The following THRB variants were observed in gnomAD, a reference collection of about 807,000 sequenced individuals.
THRB encodes the protein nuclear receptor subfamily 1 group A member 2.
Under a neutral mutation model 47.8 loss-of-function variants are expected in THRB, and 12 were observed. The observed-to-expected ratio is 0.25, with a 90% CI of 0.16 to 0.41. The LOEUF is 0.41. THRB is among the 10% of genes least tolerant of loss of function. The pLI is 1.00. For missense variants in THRB, 348 were observed against 589.2 expected, an observed-to-expected ratio of 0.59 and a Z score of 4.24; for synonymous variants, 218 against 212.2, an observed-to-expected ratio of 1.03 and a Z score of -0.24.
chr3:24,202,522 G>A (rs1464788680), intron 4 of THRB, among the ~76,000 whole-genome samples: 1 of 151,942 alleles, frequency 6.6e-6, no homozygotes, highest in Non-Finnish European at 1.5e-5. Context: ...GCCTCCAAAC[G>A]GCCAAACTTA....
intron 2 of THRB, among the ~76,000 whole-genome samples, chr3:24,316,471 C>T (rs188607297): frequency 2.2e-4 from 33 of 151,538 alleles, no homozygotes; most frequent in East Asian, 5.8e-4. Context: ...TCTTCCTTCT[C>T]GCCCTCTTGC....
chr3:24,427,518 C>G (rs1374568064), intron 1 of THRB, among the ~76,000 whole-genome samples: 1 of 151,866 alleles, frequency 6.6e-6, no homozygotes, highest in Admixed American at 6.6e-5. Context: ...GGATGCTTAG[C>G]AAATATGAAT....
intron 1 of THRB, among the ~76,000 whole-genome samples, chr3:24,478,951 G>A (rs992357051): frequency 2.6e-5 from 4 of 152,158 alleles, no homozygotes; most frequent in African/African-American, 9.7e-5. Context: ...GCAGGGGATA[G>A]GGGGAGCAGT....
At chr3:24,185,218 G>A (rs1378764787) in intron 5 of THRB, among the ~76,000 whole-genome samples, 1 of 152,060 alleles carries the variant, frequency 6.6e-6, no homozygotes, top group Non-Finnish European at 1.5e-5. Context: ...TATAGCCAAT[G>A]AAAGTCAGGA....
intron 2 of THRB, among the ~76,000 whole-genome samples, chr3:24,299,793 T>TTTTTTTTTTTTTTC (rs2056798182): frequency 7.9e-6 from 1 of 127,162 alleles, no homozygotes; most frequent in Admixed American, 8.9e-5. Flanking sequence ...TTATTTATTT[T>TTTTTTTTTTTTTTC]TTTTTTTTTA....
At chr3:24,476,625 T>C (rs1455429445) in intron 1 of THRB, among the ~76,000 whole-genome samples, 1 of 152,188 alleles carries the variant, frequency 6.6e-6, no homozygotes, top group Non-Finnish European at 1.5e-5. Context: ...TCCCATAACC[T>C]GGCGAATTTC....
At chr3:24,356,338 G>T (rs941742785) in intron 1 of THRB, among the ~76,000 whole-genome samples, 1 of 152,086 alleles carries the variant, frequency 6.6e-6, no homozygotes, top group Non-Finnish European at 1.5e-5. Context: ...TTAGTGGAAG[G>T]CTGTCTGGCC....
intron 3 of THRB, among the ~76,000 whole-genome samples, chr3:24,241,889 C>T (rs926027074): frequency 1.3e-5 from 2 of 152,084 alleles, no homozygotes; most frequent in African/African-American, 4.8e-5. Context: ...AGAACTACTG[C>T]TTTATAGTAT....
At chr3:24,423,227 T>C (rs13098564) in intron 1 of THRB, among the ~76,000 whole-genome samples, 35,530 of 151,752 alleles carry the variant, frequency 0.23, 4,909 homozygotes, top group African/African-American at 0.38. Context: ...TCCTGACCCA[T>C]AGAATTGTAA....
At chr3:24,307,118 A>G (rs1450024382) in intron 2 of THRB, among the ~76,000 whole-genome samples, 2 of 151,984 alleles carry the variant, frequency 1.3e-5, no homozygotes, top group African/African-American at 4.8e-5. Context: ...AAACTAAACA[A>G]GTATATACTC....
intron 1 of THRB, among the ~76,000 whole-genome samples, chr3:24,431,740 C>T (rs946480154): frequency 6.6e-6 from 1 of 151,950 alleles, no homozygotes; most frequent in Non-Finnish European, 1.5e-5. Context: ...GAGGAAATAA[C>T]CCAAAAGTCT....
chr3:24,374,024 T>C (rs1179785602), intron 1 of THRB, among the ~76,000 whole-genome samples: 8 of 152,134 alleles, frequency 5.3e-5, no homozygotes, highest in Non-Finnish European at 1.0e-4. Flanking sequence ...GGTGTGATTC[T>C]GGGGGCTGCC....
At chr3:24,482,092 T>C (rs1011755829) in intron 1 of THRB, among the ~76,000 whole-genome samples, 1 of 152,214 alleles carries the variant, frequency 6.6e-6, no homozygotes, top group Non-Finnish European at 1.5e-5. Context: ...TCGAGTAAAT[T>C]TGGAGTCTGA....
intron 1 of THRB, among the ~76,000 whole-genome samples, chr3:24,480,997 A>C (rs1271760461): frequency 6.6e-6 from 1 of 152,158 alleles, no homozygotes; most frequent in Non-Finnish European, 1.5e-5. Context: ...CTGTCACCTA[A>C]GGAAGTTATT....
intron 3 of THRB, among the ~76,000 whole-genome samples, chr3:24,291,015 T>A (rs2055866405): frequency 6.6e-6 from 1 of 152,164 alleles, no homozygotes; most frequent in African/African-American, 2.4e-5. Flanking sequence ...CTGTGCTTAA[T>A]TAAGCAAAAA....
intron 4 of THRB, among the ~76,000 whole-genome samples, chr3:24,194,279 A>G (rs2043703627): frequency 6.6e-6 from 1 of 152,248 alleles, no homozygotes; most frequent in African/African-American, 2.4e-5. Context: ...AAATAAATAA[A>G]AAATTAAAAA....
At chr3:24,376,455 A>G (rs1210808467) in intron 1 of THRB, among the ~76,000 whole-genome samples, 1 of 152,186 alleles carries the variant, frequency 6.6e-6, no homozygotes, top group African/African-American at 2.4e-5. Context: ...AAAGAACTCT[A>G]GAAACATGTA....
At chr3:24,290,407 G>A (rs778464487) in intron 3 of THRB, among the ~76,000 whole-genome samples, 3 of 152,164 alleles carry the variant, frequency 2.0e-5, no homozygotes, top group Non-Finnish European at 4.4e-5. Context: ...TAACACGGGA[G>A]ACATCTTATA....
intron 1 of THRB, among the ~76,000 whole-genome samples, chr3:24,338,084 G>T (rs1051878717): frequency 2.6e-5 from 4 of 152,180 alleles, no homozygotes; most frequent in African/African-American, 9.7e-5. Context: ...TGTTGTTGTT[G>T]TAAATAACGT....
Sources: gnomAD v4.1 joint callset for allele counts (sites outside exome capture counted in the v4.1 genomes callset) on GRCh38, gnomAD v4.1.1 for gene constraint, MANE v1.5 for transcripts, NCBI Gene and HGNC (gene_info 2026-07-23, HGNC 2026-07-21) for gene names.